The following IL1RAPL2 variants were observed in gnomAD, a reference collection of about 807,000 sequenced individuals.
IL1RAPL2 encodes the protein interleukin 1 receptor accessory protein like 2, also known as X-linked interleukin-1 receptor accessory protein-like 2.
In IL1RAPL2, 3 loss-of-function variants were observed where a neutral mutation model predicts 44.1. The ratio of observed to expected loss-of-function variants is 0.07; its 90% confidence interval spans 0.03 to 0.18. IL1RAPL2 has a LOEUF of 0.18. Among genes scored for constraint, IL1RAPL2 ranks in the 10% least tolerant of loss-of-function variants. IL1RAPL2 has a pLI of 1.00. For missense variants in IL1RAPL2, 391 were observed against 496.4 expected (o/e 0.79, Z 2.02); for synonymous variants, 181 against 178.8 (o/e 1.01, Z -0.10).
Position 105,562,512 on chromosome X carries a change from AACACAC to A in IL1RAPL2, c.772+78157_772+78162del, listed in dbSNP as rs55720100. Among the ~76,000 whole-genome samples, 293 of 91,590 alleles carry A rather than the reference AACACAC, an allele frequency of 3.2e-3. 3 individuals are homozygous for A. The highest frequency in any genetic ancestry group is 0.011 in the African/African-American group (274 of 24,477). 79.5% of individuals were successfully genotyped at this position (91,590 alleles called of 115,157 possible). On this transcript the variant is annotated intron_variant, in intron 6 of 10. Coordinates refer to ENST00000372582, the MANE Select transcript of IL1RAPL2 (RefSeq NM_017416.2). ...TACAATTATTTGTGAATTGAAAATA[AACACAC>A]ACACACACACACACACACACACACA...
chrX:105,495,474 T>A (rs1012784976), intron 6 of IL1RAPL2, among the ~76,000 whole-genome samples: 1 of 112,283 alleles, frequency 8.9e-6, no homozygotes, highest in African/African-American at 3.2e-5. Flanking sequence ...TATATTGAAA[T>A]GTGGTGTACA....
At chrX:104,662,591 C>G (rs1318978301) in intron 2 of IL1RAPL2, among the ~76,000 whole-genome samples, 1 of 111,373 alleles carries the variant, frequency 9.0e-6, no homozygotes, top group Non-Finnish European at 1.9e-5. Flanking sequence ...GTAGAGGACA[C>G]AGGTACCTAA....
chrX:104,861,275 T>C (rs183806526), intron 2 of IL1RAPL2, among the ~76,000 whole-genome samples: 2 of 111,795 alleles, frequency 1.8e-5, no homozygotes, highest in East Asian at 5.6e-4. Context: ...AACAATCCAA[T>C]TATTTATCTG....
At chrX:105,218,624 C>A (rs1419208352) in intron 3 of IL1RAPL2, among the ~76,000 whole-genome samples, 2 of 110,482 alleles carry the variant, frequency 1.8e-5, no homozygotes, top group Non-Finnish European at 3.8e-5. Context: ...AAAGCTGCAG[C>A]ACTTCTGGGG....
rs1333310267 is a variant in IL1RAPL2 at position 104,745,734 on chromosome X, G to T, written c.82+86739G>T. On this transcript the variant is annotated intron_variant, in intron 2 of 10. Transcript: ENST00000372582. ...TTATTTTAAAGGAAATCCCAAATAA[G>T]GCAATTCTTTAGTGGCACTTGGGAA... Among the ~76,000 whole-genome samples the T allele has an allele frequency of 6.3e-5, 7 of 111,573 alleles. No homozygotes were observed. The Admixed American group carries it at 6.7e-4, about 11-fold the overall frequency.
chrX:105,363,710 AT>A (rs1309547785), intron 5 of IL1RAPL2, among the ~76,000 whole-genome samples: 20 of 110,459 alleles, frequency 1.8e-4, no homozygotes, highest in African/African-American at 4.9e-4. Context: ...TTTTGAGCAT[AT>A]TTTTTATATA....
intron 2 of IL1RAPL2, among the ~76,000 whole-genome samples, chrX:105,187,326 T>A (rs782358499): frequency 8.9e-6 from 1 of 112,141 alleles, no homozygotes; most frequent in African/African-American, 3.2e-5. Flanking sequence ...CTGTTTTTTA[T>A]TTGATTTGAC....
chrX:104,645,277 C>G (rs1183695236), intron 1 of IL1RAPL2, among the ~76,000 whole-genome samples: 2 of 111,518 alleles, frequency 1.8e-5, no homozygotes, highest in African/African-American at 6.5e-5. Flanking sequence ...TCCTTAACTT[C>G]TATTAGTATC....
intron 2 of IL1RAPL2, among the ~76,000 whole-genome samples, chrX:104,923,603 C>T (rs761956612): frequency 1.8e-5 from 2 of 111,364 alleles, no homozygotes; most frequent in Non-Finnish European, 3.8e-5. Flanking sequence ...CAAGCAAATG[C>T]TAAGGGAATT....
Position 105,226,385 on chromosome X carries a change from CTTTTTTTTTTTT to C in IL1RAPL2, c.357-7414_357-7403del, listed in dbSNP as rs35192051. 3.9e-4 allele frequency among the ~76,000 whole-genome samples: 21 copies of C among 53,332 alleles called. No individual in the cohort carries two copies. The South Asian group carries it at 0.015, about 38-fold the overall frequency. 46.3% of individuals were successfully genotyped at this position (53,332 alleles called of 115,157 possible). A position where few individuals can be genotyped will look rare whatever the true frequency, so the allele number is the denominator to read the frequency against. On this transcript the variant is annotated intron_variant, in intron 3 of 10. Transcript: ENST00000372582. ...GACCCTTTGCCATTCTTTCTTTTCC[CTTTTTTTTTTTT>C]TTTTTTTTTTTTTTTTTTGAGACAG...
intron 2 of IL1RAPL2, among the ~76,000 whole-genome samples, chrX:104,672,212 G>A (rs1406544586): frequency 3.6e-5 from 4 of 110,793 alleles, no homozygotes; most frequent in Admixed American, 9.6e-5. Context: ...CCACTAACTC[G>A]TCATCTAGCG....
At chrX:105,639,249 T>C (rs758214669) in intron 6 of IL1RAPL2, among the ~76,000 whole-genome samples, 1 of 111,840 alleles carries the variant, frequency 8.9e-6, no homozygotes, top group South Asian at 3.7e-4. Flanking sequence ...AAATCATTTA[T>C]TTCTTAAATT....
intron 2 of IL1RAPL2, among the ~76,000 whole-genome samples, chrX:104,924,599 C>T (rs1924729850): frequency 9.0e-6 from 1 of 111,613 alleles, no homozygotes; most frequent in Admixed American, 9.6e-5. Flanking sequence ...TTCTGAATAA[C>T]TTTTGGGTAA....
chrX:105,032,113 CTCTT>C (rs2031512732), intron 2 of IL1RAPL2, among the ~76,000 whole-genome samples: 1 of 111,370 alleles, frequency 9.0e-6, no homozygotes, highest in Non-Finnish European at 1.9e-5. Flanking sequence ...TGATTCTTCT[CTCTT>C]TTCTTCTTTG....
At chrX:104,816,624 T>C (rs1365301560) in intron 2 of IL1RAPL2, among the ~76,000 whole-genome samples, 5 of 112,085 alleles carry the variant, frequency 4.5e-5, no homozygotes, top group African/African-American at 1.3e-4. Context: ...GATTTGATAG[T>C]CAAATGTCGT....
At chrX:104,933,562 G>T (rs754590162) in intron 2 of IL1RAPL2, among the ~76,000 whole-genome samples, 1 of 111,567 alleles carries the variant, frequency 9.0e-6, no homozygotes, top group South Asian at 3.8e-4. Flanking sequence ...TATCTTCAAG[G>T]TCCATTCCCC....
intron 2 of IL1RAPL2, among the ~76,000 whole-genome samples, chrX:104,813,046 A>G (rs1921036035): frequency 8.9e-6 from 1 of 112,315 alleles, no homozygotes; most frequent in Non-Finnish European, 1.9e-5. Flanking sequence ...GTGATATTCT[A>G]TTAGCGAACT....
intron 2 of IL1RAPL2, among the ~76,000 whole-genome samples, chrX:104,956,504 G>T (rs747837669): frequency 1.8e-5 from 2 of 108,905 alleles, no homozygotes; most frequent in African/African-American, 6.7e-5. Flanking sequence ...GTTATGCCGG[G>T]CGTGGTGGCG....
At chrX:104,817,975 G>A (rs910061736) in intron 2 of IL1RAPL2, among the ~76,000 whole-genome samples, 8 of 110,833 alleles carry the variant, frequency 7.2e-5, no homozygotes, top group Non-Finnish European at 1.3e-4. Flanking sequence ...AGTGAAGGAG[G>A]AATAGATTCG....
Sources: allele counts gnomAD v4.1 joint callset (sites outside exome capture counted in the v4.1 genomes callset), GRCh38; gene constraint gnomAD v4.1.1; transcripts MANE v1.5; gene names NCBI Gene and HGNC (gene_info 2026-07-23, HGNC 2026-07-21).